Variants in CDH8 observed in about 807,000 individuals in gnomAD.
CDH8 encodes cadherin 8.
In CDH8, 17 loss-of-function variants were observed where a neutral mutation model predicts 68.1. That is an observed-to-expected ratio of 0.25 (90% CI 0.17 to 0.37). The LOEUF (loss-of-function observed/expected upper bound fraction) is 0.37, where lower values mean the gene tolerates loss of function less well. Among genes scored for constraint, CDH8 ranks in the 10% least tolerant of loss-of-function variants. CDH8 has a pLI of 1.00. For missense variants in CDH8, 763 were observed against 999.3 expected (o/e 0.76, Z 3.19); for synonymous variants, 372 against 365.1 (o/e 1.02, Z -0.21).
At chr16:61,802,007 G>C (rs1961654917) in intron 7 of CDH8, among the ~76,000 whole-genome samples, 1 of 142,310 alleles carries the variant, frequency 7.0e-6, no homozygotes, top group Admixed American at 6.9e-5. Flanking sequence ...TCCACCTCTG[G>C]GGGCAGGGCA....
At position 61,941,057 on chromosome 16, in the gene CDH8, C is replaced by A. The variant is rs1398065244; in HGVS notation, c.253-39584G>T. ...GCACATAGAACTCAATCAAGTTGAA[C>A]TTGACACAGAAAAATATACAGTAAT... On this transcript the variant is annotated intron_variant, in intron 2 of 11. Coordinates refer to ENST00000577390, the MANE Select transcript of CDH8 (RefSeq NM_001796.5). Among the ~76,000 whole-genome samples, 7 of 152,318 alleles carry A rather than the reference C, an allele frequency of 4.6e-5. No individual in the cohort carries two copies. The East Asian group carries it at 1.4e-3, about 29-fold the overall frequency.
At chr16:61,933,849 G>C (rs1457245642) in intron 2 of CDH8, among the ~76,000 whole-genome samples, 2 of 152,114 alleles carry the variant, frequency 1.3e-5, no homozygotes, top group Non-Finnish European at 2.9e-5. Flanking sequence ...GTTTCCCAAA[G>C]AGAGATACAT....
chr16:61,876,667 T>C (rs1424231808), intron 3 of CDH8, among the ~76,000 whole-genome samples: 1 of 152,144 alleles, frequency 6.6e-6, no homozygotes, highest in African/African-American at 2.4e-5. Flanking sequence ...AGATACTGAC[T>C]ATACAAAAGA....
chr16:61,674,944 C>CAAAAAAAA (rs576278729), intron 10 of CDH8, among the ~76,000 whole-genome samples: 3 of 95,510 alleles, frequency 3.1e-5, no homozygotes, highest in African/African-American at 7.9e-5. Flanking sequence ...GAACAGAAAG[C>CAAAAAAAA]AAAAAAAAAA....
At chr16:61,760,526 T>A (rs763902643) in intron 8 of CDH8, among the ~76,000 whole-genome samples, 1 of 151,954 alleles carries the variant, frequency 6.6e-6, no homozygotes, top group Non-Finnish European at 1.5e-5. Flanking sequence ...TTGACCAGGC[T>A]GGTCTCGAGC....
chr16:62,001,665 CCGGT>C (rs1281353626), intron 2 of CDH8, among the ~76,000 whole-genome samples: 3 of 152,168 alleles, frequency 2.0e-5, no homozygotes, highest in Non-Finnish European at 2.9e-5. Context: ...TTACTTCAAA[CCGGT>C]TTTTTATTAT....
intron 2 of CDH8, among the ~76,000 whole-genome samples, chr16:62,014,583 C>G (rs1901891547): frequency 6.6e-6 from 1 of 152,104 alleles, no homozygotes; most frequent in Admixed American, 6.6e-5. Context: ...TTTTCTCACC[C>G]GTCGCAGACA....
At chr16:61,984,680 A>G (rs1216336722) in intron 2 of CDH8, among the ~76,000 whole-genome samples, 2 of 152,102 alleles carry the variant, frequency 1.3e-5, no homozygotes, top group African/African-American at 4.8e-5. Context: ...TTGATAAACC[A>G]AAGTTCTGAA....
intron 10 of CDH8, among the ~76,000 whole-genome samples, chr16:61,709,973 G>A (rs1964602610): frequency 6.6e-6 from 1 of 152,120 alleles, no homozygotes; most frequent in African/African-American, 2.4e-5. Flanking sequence ...CAAAATCACT[G>A]CACAAGATTT....
chr16:61,691,821 T>C (rs1452917362), intron 10 of CDH8: 1 of 152,150 alleles, frequency 6.6e-6, no homozygotes, highest in East Asian at 1.9e-4. Context: ...GCACGACTTT[T>C]ATGTATTTAA....
intron 3 of CDH8, among the ~76,000 whole-genome samples, chr16:61,892,181 T>C (rs1963789955): frequency 6.6e-6 from 1 of 152,198 alleles, no homozygotes; most frequent in African/African-American, 2.4e-5. Flanking sequence ...TCATCATAAT[T>C]TACAATTCAC....
intron 1 of CDH8, among the ~76,000 whole-genome samples, chr16:62,029,325 AT>A (rs1309623558): frequency 1.3e-5 from 2 of 152,208 alleles, no homozygotes; most frequent in Non-Finnish European, 2.9e-5. Context: ...AGTGGGGAAA[AT>A]TCCAATGTTC....
intron 10 of CDH8, among the ~76,000 whole-genome samples, chr16:61,679,089 A>T (rs1398953044): frequency 6.6e-6 from 1 of 152,028 alleles, no homozygotes; most frequent in Non-Finnish European, 1.5e-5. Context: ...GGCCAATGAA[A>T]TGTGAACAGA....
intron 10 of CDH8, among the ~76,000 whole-genome samples, chr16:61,697,290 G>A (rs143025713): frequency 3.3e-5 from 5 of 152,100 alleles, no homozygotes; most frequent in African/African-American, 1.2e-4. Context: ...TCTTGTACAG[G>A]AAACACTCAC....
intron 4 of CDH8, among the ~76,000 whole-genome samples, chr16:61,852,169 T>C (rs1962950771): frequency 2.0e-5 from 3 of 152,146 alleles, no homozygotes; most frequent in Non-Finnish European, 4.4e-5. Context: ...CTTTTTATTC[T>C]TCCTGTTATG....
At chr16:61,756,058 T>A (rs907663826) in intron 8 of CDH8, among the ~76,000 whole-genome samples, 2 of 152,058 alleles carry the variant, frequency 1.3e-5, no homozygotes, top group Non-Finnish European at 2.9e-5. Flanking sequence ...CGGGCTCAAG[T>A]GATCCACCCA....
chr16:61,706,821 TA>T (rs1167567305), intron 10 of CDH8, among the ~76,000 whole-genome samples: 1 of 152,176 alleles, frequency 6.6e-6, no homozygotes, highest in African/African-American at 2.4e-5. Context: ...ATAAGCTATG[TA>T]TTTGCTAAGA....
At chr16:61,791,059 C>A (rs999203158) in intron 7 of CDH8, among the ~76,000 whole-genome samples, 1 of 151,772 alleles carries the variant, frequency 6.6e-6, no homozygotes, top group African/African-American at 2.4e-5. Context: ...CTTAATTTCT[C>A]AATTGTTTAT....
At chr16:61,864,680 G>C (rs1006157846) in intron 3 of CDH8, among the ~76,000 whole-genome samples, 4 of 152,096 alleles carry the variant, frequency 2.6e-5, no homozygotes, top group Non-Finnish European at 5.9e-5. Flanking sequence ...CAAAGTTAGG[G>C]CTTCTTTTTT....
Sources: gnomAD v4.1 joint callset for allele counts (sites outside exome capture counted in the v4.1 genomes callset) on GRCh38, gnomAD v4.1.1 for gene constraint, MANE v1.5 for transcripts, NCBI Gene and HGNC (gene_info 2026-07-23, HGNC 2026-07-21) for gene names.